PRKG1: variants seen among roughly 807,000 people sequenced by gnomAD.
The protein encoded by PRKG1 is protein kinase cGMP-dependent 1, also known as cGMP-dependent protein kinase 1.
PRKG1 carries 35 observed loss-of-function variants against 88.1 expected under a neutral mutation model. The observed-to-expected ratio is 0.40, with a 90% CI of 0.30 to 0.53. The LOEUF is 0.53. Ranked by LOEUF, PRKG1 falls within the 20% of genes least tolerant of loss-of-function variation. PRKG1 has a pLI of 0.59. For missense variants in PRKG1, 540 were observed against 839.8 expected (o/e 0.64, Z 4.41); for synonymous variants, 303 against 292.5 (o/e 1.04, Z -0.37).
At chr10:51,616,374 G>A (rs1384446429) in intron 3 of PRKG1, among the ~76,000 whole-genome samples, 2 of 152,212 alleles carry the variant, frequency 1.3e-5, no homozygotes, top group African/African-American at 4.8e-5. Flanking sequence ...CAGTTGGTGT[G>A]TGGGTGATGG....
At chr10:51,199,415 G>A (rs533564655) in intron 2 of PRKG1, among the ~76,000 whole-genome samples, 10 of 152,200 alleles carry the variant, frequency 6.6e-5, no homozygotes, top group South Asian at 4.1e-4. Context: ...ATTGTCCTAG[G>A]TTCCAGGTTT....
intron 3 of PRKG1, among the ~76,000 whole-genome samples, chr10:51,671,592 T>TCTCTCTCTC (rs1564600015): frequency 1.4e-5 from 2 of 144,332 alleles, no homozygotes; most frequent in African/African-American, 5.2e-5. Context: ...CTCTCTCTCT[T>TCTCTCTCTC]TTTTTTTTTT....
chr10:51,617,515 G>A (rs566635520), intron 3 of PRKG1, among the ~76,000 whole-genome samples: 10 of 152,188 alleles, frequency 6.6e-5, no homozygotes, highest in East Asian at 3.9e-4. Flanking sequence ...CACAGCCATC[G>A]CCAACACCAG....
At position 51,818,803 on chromosome 10, in the gene PRKG1, C is replaced by T. The variant is rs547048711; in HGVS notation, c.698+14113C>T. Among the ~76,000 whole-genome samples the T allele has an allele frequency of 1.5e-3, 209 of 136,158 alleles. 26 individuals carry two copies. The highest frequency in any genetic ancestry group is 6.5e-3 in the Admixed American group (94 of 14,560). The allele number at this position is 136,158 out of a possible 152,430, so 89.3% of individuals were successfully genotyped here. A position where few individuals can be genotyped will look rare whatever the true frequency, so the allele number is the denominator to read the frequency against. ...CGGGCGGATCACGAGGTCAGGAGAT[C>T]GAGACCATCCTGGCTAAAACAGTGA... On this transcript the variant is annotated intron_variant, in intron 4 of 17. Transcript: ENST00000373980.
intron 3 of PRKG1, among the ~76,000 whole-genome samples, chr10:51,764,334 C>T (rs1447513491): frequency 6.6e-6 from 1 of 151,814 alleles, no homozygotes; most frequent in East Asian, 1.9e-4. Flanking sequence ...TTTAAAAGTA[C>T]AAAGTGAGAT....
At chr10:52,222,938 G>A (rs1466498507) in intron 9 of PRKG1, among the ~76,000 whole-genome samples, 2 of 151,990 alleles carry the variant, frequency 1.3e-5, no homozygotes, top group Non-Finnish European at 2.9e-5. Flanking sequence ...CATTCTTTTG[G>A]AACATTTGAC....
At chr10:51,532,218 C>T (rs548003667) in intron 3 of PRKG1, among the ~76,000 whole-genome samples, 4 of 152,074 alleles carry the variant, frequency 2.6e-5, no homozygotes, top group African/African-American at 7.2e-5. Flanking sequence ...TATCTATAGG[C>T]GACTATTGTT....
At chr10:52,238,688 T>C (rs963408808) in intron 9 of PRKG1, among the ~76,000 whole-genome samples, 2 of 148,066 alleles carry the variant, frequency 1.4e-5, no homozygotes, top group Non-Finnish European at 3.0e-5. Context: ...CTGGAGAGGA[T>C]GTGGAGAAAT....
At chr10:52,043,746 G>A (rs1300744530) in intron 5 of PRKG1, among the ~76,000 whole-genome samples, 1 of 151,524 alleles carries the variant, frequency 6.6e-6, no homozygotes, top group Non-Finnish European at 1.5e-5. Flanking sequence ...TAATTACCCT[G>A]ATTTGAACAT....
chr10:51,198,820 G>A (rs1473258166), intron 2 of PRKG1, among the ~76,000 whole-genome samples: 1 of 152,190 alleles, frequency 6.6e-6, no homozygotes, highest in Non-Finnish European at 1.5e-5. Context: ...TTAAAGGTTT[G>A]ATAGAAATGG....
chr10:51,773,040 T>C lies in PRKG1; in HGVS notation c.593-31545T>C, dbSNP rs148715688. Among the ~76,000 whole-genome samples the C allele has an allele frequency of 2.6e-5, 4 of 152,174 alleles. No individual in the cohort carries two copies. In the East Asian group the frequency reaches 7.7e-4, roughly 29 times the overall value. ...AATAGAATGGACCATACAAAGTCAT[T>C]GTTTATTTAATACATAACTCAGTGG... On this transcript the variant is annotated intron_variant, in intron 3 of 17. Coordinates refer to ENST00000373980, the MANE Select transcript of PRKG1 (RefSeq NM_006258.4).
At chr10:52,019,760 A>G (rs1362219714) in intron 5 of PRKG1, among the ~76,000 whole-genome samples, 1 of 152,176 alleles carries the variant, frequency 6.6e-6, no homozygotes, top group Admixed American at 6.6e-5. Context: ...ACTTCCTCAG[A>G]TTGCTTAAAG....
At chr10:51,128,528 T>C (rs1219428260) in intron 1 of PRKG1, among the ~76,000 whole-genome samples, 1 of 152,034 alleles carries the variant, frequency 6.6e-6, no homozygotes, top group Non-Finnish European at 1.5e-5. Context: ...ATTTACAAAG[T>C]AAAGGAAAAA....
intron 7 of PRKG1, among the ~76,000 whole-genome samples, chr10:52,096,559 A>C (rs1847177868): frequency 6.6e-6 from 1 of 152,156 alleles, no homozygotes; most frequent in Non-Finnish European, 1.5e-5. Flanking sequence ...CAGTAAAAAC[A>C]GTTGGACACT....
intron 4 of PRKG1, among the ~76,000 whole-genome samples, chr10:51,864,468 C>T (rs1007312636): frequency 6.6e-5 from 10 of 152,208 alleles, no homozygotes; most frequent in African/African-American, 2.4e-4. Context: ...CACATTTAAG[C>T]TAATCTGTTG....
intron 3 of PRKG1, among the ~76,000 whole-genome samples, chr10:51,468,713 TA>T (rs932927558): frequency 4.0e-5 from 6 of 151,746 alleles, no homozygotes; most frequent in East Asian, 1.9e-4. Context: ...TTTTGTCATT[TA>T]AAAAAAATGC....
At chr10:51,396,975 TA>T (rs1837593051) in intron 2 of PRKG1, among the ~76,000 whole-genome samples, 1 of 152,146 alleles carries the variant, frequency 6.6e-6, no homozygotes, top group Non-Finnish European at 1.5e-5. Context: ...AAAATATCAA[TA>T]TTTTAATTAC....
At chr10:51,824,194 T>G (rs1055252374) in intron 4 of PRKG1, among the ~76,000 whole-genome samples, 2 of 152,140 alleles carry the variant, frequency 1.3e-5, no homozygotes, top group Non-Finnish European at 2.9e-5. Flanking sequence ...GATTTGTATA[T>G]CCATATGATA....
intron 5 of PRKG1, among the ~76,000 whole-genome samples, chr10:51,957,868 T>TATA (rs1165731611): frequency 1.3e-5 from 2 of 152,204 alleles, no homozygotes; most frequent in Admixed American, 1.3e-4. Context: ...TCCATTAGTC[T>TATA]GTAAGCTATC....
Sources: allele counts gnomAD v4.1 joint callset (sites outside exome capture counted in the v4.1 genomes callset), GRCh38; gene constraint gnomAD v4.1.1; transcripts MANE v1.5; gene names NCBI Gene and HGNC (gene_info 2026-07-23, HGNC 2026-07-21).